ANKRD11: variants seen among roughly 807,000 people sequenced by gnomAD.
The protein encoded by ANKRD11 is ankyrin repeat domain 11.
Under a neutral mutation model 195.7 loss-of-function variants are expected in ANKRD11, and 17 were observed. That is an observed-to-expected ratio of 0.09 (90% CI 0.06 to 0.13). The LOEUF (loss-of-function observed/expected upper bound fraction) is 0.13, where lower values mean the gene tolerates loss of function less well. Among genes scored for constraint, ANKRD11 ranks in the 10% least tolerant of loss-of-function variants. ANKRD11 has a pLI of 1.00. For missense variants in ANKRD11, 3,735 were observed against 3,566.1 expected, an observed-to-expected ratio of 1.05 and a Z score of -1.21; for synonymous variants, 1,953 against 1,528.1, an observed-to-expected ratio of 1.28 and a Z score of -6.49.
At chr16:89,489,541 G>A (rs1340257874) in intron 1 of ANKRD11, among the ~76,000 whole-genome samples, 3 of 149,638 alleles carry the variant, frequency 2.0e-5, no homozygotes, top group African/African-American at 4.9e-5. Context: ...CTCGGAGCCC[G>A]AGAGCCGCCT....
At chr16:89,489,817 C>T (rs1012075173) in intron 1 of ANKRD11, among the ~76,000 whole-genome samples, 3 of 145,522 alleles carry the variant, frequency 2.1e-5, no homozygotes, top group African/African-American at 5.1e-5. Context: ...CTCTCACGGC[C>T]GCCCCGGGCC....
At chr16:89,272,515 A>G (rs1036781461) in intron 11 of ANKRD11, 1 of 152,254 alleles carries the variant, frequency 6.6e-6, no homozygotes, top group Non-Finnish European at 1.5e-5. Context: ...TAGCCTTGCC[A>G]ACATGGTGAA....
intron 1 of ANKRD11, among the ~76,000 whole-genome samples, chr16:89,448,624 C>A (rs2043915960): frequency 6.6e-6 from 1 of 152,188 alleles, no homozygotes; most frequent in Non-Finnish European, 1.5e-5. Flanking sequence ...TCCAAATAAT[C>A]TTCAAATACG....
At chr16:89,446,093 A>G (rs1355178629) in intron 1 of ANKRD11, among the ~76,000 whole-genome samples, 1 of 151,978 alleles carries the variant, frequency 6.6e-6, no homozygotes, top group Non-Finnish European at 1.5e-5. Flanking sequence ...CCACACTTAG[A>G]ACCACCATCT....
chr16:89,447,090 C>A (rs550277114), intron 1 of ANKRD11, among the ~76,000 whole-genome samples: 20 of 152,142 alleles, frequency 1.3e-4, no homozygotes, highest in African/African-American at 4.6e-4. Context: ...CCACCGAGCA[C>A]GTGACTGCAT....
Position 89,291,907 on chromosome 16 carries a change from C to T in ANKRD11, c.227-724G>A, listed in dbSNP as rs150370615. ...TACAGAACACTCGGCTGGCGTCTAA[C>T]GCAACTCACGTGCTGTGTCTTTTAA... On this transcript the variant is annotated intron_variant, in intron 4 of 12. Coordinates refer to ENST00000301030, the MANE Select transcript of ANKRD11 (RefSeq NM_013275.6). This position sits in a 1 kb window ranked among gnomAD's most constrained non-coding sequence, Gnocchi z 5.3. 354 of 530,154 alleles carry T rather than the reference C, an allele frequency of 6.7e-4. 3 individuals are homozygous for T. The highest frequency in any genetic ancestry group is 5.9e-3 in the African/African-American group (304 of 51,390). 32.8% of individuals were successfully genotyped at this position (530,154 alleles called of 1,614,324 possible).
Position 89,285,897 on chromosome 16 carries a change from G to A in ANKRD11, c.892+142C>T. Reference sequence around the variant, plus strand: ...CTCGGCAGTGACACACCTGGGCGGGGTCTCCCGCAGTCCAGAAGCTCCTGT... The same window carrying A: ...CTCGGCAGTGACACACCTGGGCGGGATCTCCCGCAGTCCAGAAGCTCCTGT... On this transcript the variant is annotated intron_variant, in intron 8 of 12. Coordinates refer to ENST00000301030, the MANE Select transcript of ANKRD11 (RefSeq NM_013275.6). This position sits in a 1 kb window ranked among gnomAD's most constrained non-coding sequence, Gnocchi z 5.6. The A allele has an allele frequency of 7.5e-7, 1 of 1,330,542 alleles. No individual in the cohort carries two copies. The highest frequency in any genetic ancestry group is 1.1e-6 in the Non-Finnish European group (1 of 946,036). 82.4% of individuals were successfully genotyped at this position (1,330,542 alleles called of 1,614,324 possible).
chr16:89,274,728 C>G, intron 11 of ANKRD11, 86 bp downstream of exon 11: 5 of 1,586,244 alleles, frequency 3.2e-6, no homozygotes, highest in Non-Finnish European at 4.3e-6. Context: ...AGCTCCTGGT[C>G]AAAGTGCAGA....
intron 1 of ANKRD11, among the ~76,000 whole-genome samples, chr16:89,454,815 GCTTCC>G (rs2056357203): frequency 1.5e-5 from 1 of 66,104 alleles, no homozygotes; most frequent in Non-Finnish European, 3.1e-5. Context: ...TCCCCTGGGT[GCTTCC>G]AGGGTTCCTC....
chr16:89,472,566 C>A (rs2057123484), intron 1 of ANKRD11, among the ~76,000 whole-genome samples: 1 of 152,178 alleles, frequency 6.6e-6, no homozygotes, highest in Non-Finnish European at 1.5e-5. Context: ...GTCCCCCAGG[C>A]TGGAGGGCAG....
Position 89,431,028 on chromosome 16 carries a change from G to A in ANKRD11, c.-144-12660C>T, listed in dbSNP as rs115842594. Among the ~76,000 whole-genome samples the A allele has an allele frequency of 6.4e-3, 976 of 152,102 alleles. 18 individuals are homozygous for A. The highest frequency in any genetic ancestry group is 0.022 in the African/African-American group (907 of 41,490). The stretch of plus-strand genomic sequence containing the variant: ...CCCGGCCTCTTCCTAAGACCAAGGC[G>A]CTGCTGACTCAACCCTGCTTCCAGA... On this transcript the variant is annotated intron_variant, in intron 1 of 12. Coordinates refer to ENST00000301030, the MANE Select transcript of ANKRD11 (RefSeq NM_013275.6).
At chr16:89,331,667 C>T (rs1386420476) in intron 2 of ANKRD11, among the ~76,000 whole-genome samples, 1 of 152,206 alleles carries the variant, frequency 6.6e-6, no homozygotes, top group Non-Finnish European at 1.5e-5. Flanking sequence ...GTCGCCCAGG[C>T]TGCAGTGTAA....
At chr16:89,314,553 G>A (rs986674328) in intron 3 of ANKRD11, among the ~76,000 whole-genome samples, 27 of 152,162 alleles carry the variant, frequency 1.8e-4, no homozygotes, top group East Asian at 1.2e-3. Context: ...TTCTCGTCTC[G>A]TGCTACCCTG....
chr16:89,324,088 G>C lies in ANKRD11; in HGVS notation c.-59-7010C>G, dbSNP rs536338206. On this transcript the variant is annotated intron_variant, in intron 2 of 12. Transcript: ENST00000301030. ...GGTGGTCTCCATCTCTTGACCTCAT[G>C]ATCTGCCGGCCTCGGCCTCCCAAAG... 3 of 365,630 alleles carry C rather than the reference G, an allele frequency of 8.2e-6. No individual in the cohort carries two copies. The Admixed American group carries it at 1.5e-4, about 18-fold the overall frequency. The allele number at this position is 365,630 out of a possible 1,614,324, so 22.6% of individuals were successfully genotyped here. A position where few individuals can be genotyped will look rare whatever the true frequency, so the allele number is the denominator to read the frequency against.
intron 2 of ANKRD11, among the ~76,000 whole-genome samples, chr16:89,338,128 G>C (rs2038469821): frequency 1.3e-5 from 2 of 152,154 alleles, no homozygotes; most frequent in Non-Finnish European, 2.9e-5. Flanking sequence ...CGCCCGTCAG[G>C]CTCCCAGGAC....
intron 12 of ANKRD11, 46 bp downstream of exon 12, chr16:89,270,771 G>C: frequency 6.3e-7 from 1 of 1,594,770 alleles, no homozygotes. Flanking sequence ...ACAGAACTGG[G>C]CAGCAGCCTC....
chr16:89,423,315 G>A (rs1355136259), intron 1 of ANKRD11, among the ~76,000 whole-genome samples: 4 of 152,244 alleles, frequency 2.6e-5, no homozygotes, highest in East Asian at 1.9e-4. Flanking sequence ...ATCTGCCCCC[G>A]ACACTGGCTG....
chr16:89,486,850 T>G (rs1193361403), intron 1 of ANKRD11, among the ~76,000 whole-genome samples: 1 of 150,234 alleles, frequency 6.7e-6, no homozygotes, highest in Admixed American at 6.6e-5. Flanking sequence ...CTACTAACAA[T>G]AAAAAAAAAT....
chr16:89,306,566 A>G (rs1475527628), intron 3 of ANKRD11, among the ~76,000 whole-genome samples: 72 of 75,964 alleles, frequency 9.5e-4, no homozygotes, highest in African/African-American at 3.7e-3. Flanking sequence ...CTCCGCAGAC[A>G]CGCGCCACCT....
Sources: gnomAD v4.1 joint callset for allele counts (sites outside exome capture counted in the v4.1 genomes callset) on GRCh38, gnomAD v4.1.1 for gene constraint, Gnocchi (gnomAD v3.1) non-coding constraint, MANE v1.5 for transcripts, NCBI Gene and HGNC (gene_info 2026-07-23, HGNC 2026-07-21) for gene names.